R3HDM2: variants seen among roughly 807,000 people sequenced by gnomAD.
The protein encoded by R3HDM2 is R3H domain-containing protein 2.
Under a neutral mutation model 124.5 loss-of-function variants are expected in R3HDM2, and 38 were observed. The observed-to-expected ratio is 0.31, with a 90% CI of 0.24 to 0.40. R3HDM2 has a LOEUF of 0.40. R3HDM2 is among the 10% of genes least tolerant of loss of function. R3HDM2 has a pLI of 1.00. For synonymous variants in R3HDM2, 391 were observed against 448.0 expected, an observed-to-expected ratio of 0.87 and a Z score of 1.61; for missense variants, 869 against 1,236.9, an observed-to-expected ratio of 0.70 and a Z score of 4.46.
At chr12:57,413,931 C>T (rs1470051773) in intron 1 of R3HDM2, among the ~76,000 whole-genome samples, 44 of 148,616 alleles carry the variant, frequency 3.0e-4, no homozygotes, top group African/African-American at 8.9e-4. Context: ...CTGCAACCTC[C>T]GCCTCCCAAG....
chr12:57,270,756 A>T (rs2043417999), intron 14 of R3HDM2, among the ~76,000 whole-genome samples: 1 of 147,858 alleles, frequency 6.8e-6, no homozygotes, highest in Admixed American at 6.7e-5. Flanking sequence ...TTTAGTAGAG[A>T]CGGGATTTCA....
At position 57,269,049 on chromosome 12, in the gene R3HDM2, G is replaced by A. The variant is rs781347576; in HGVS notation, c.1748C>T (p.Ala583Val). 5.6e-6 allele frequency: 9 copies of A among 1,614,078 alleles called. No individual in the cohort carries two copies. Among genetic ancestry groups the A allele is most frequent in the South Asian group, 4.4e-5 (4 of 91,090 alleles). ...GACCCCAATCATGCCTTGGTAAGCCGCCTGCTGCTGGTTAGGCATCATGGG... is the reference window on the plus strand; with the variant it reads ...GACCCCAATCATGCCTTGGTAAGCCACCTGCTGCTGGTTAGGCATCATGGG... ...LQPMMPNQQQ[A>V]AYQGMIGVQQ... The change falls in exon 17 of 24, where the codon GCG becomes GTG. Residue 583 changes from alanine (A) to valine (V), a missense_variant. Coordinates refer to ENST00000402412, the MANE Select transcript of R3HDM2 (RefSeq NM_001394031.1).
At chr12:57,323,177 C>A (rs1015479964) in intron 2 of R3HDM2, among the ~76,000 whole-genome samples, 3 of 152,152 alleles carry the variant, frequency 2.0e-5, no homozygotes, top group East Asian at 1.9e-4. Flanking sequence ...TTCCAAAATT[C>A]CATGTTCTTT....
At chr12:57,346,716 G>A (rs2060126740) in intron 2 of R3HDM2, among the ~76,000 whole-genome samples, 1 of 152,074 alleles carries the variant, frequency 6.6e-6, no homozygotes, top group African/African-American at 2.4e-5. Flanking sequence ...AAGACCAGAA[G>A]GAAGAAAAAC....
rs566868060 is a variant in R3HDM2 at position 57,260,263 on chromosome 12, C to CAAAAAAAA, written c.2132-1212_2132-1205dup. Among the ~76,000 whole-genome samples, 155 of 31,546 alleles carry CAAAAAAAA rather than the reference C, an allele frequency of 4.9e-3. 20 individuals are homozygous for CAAAAAAAA. The highest frequency in any genetic ancestry group is 7.8e-3 in the African/African-American group (63 of 8,114). The allele number at this position is 31,546 out of a possible 152,430, so 20.7% of individuals were successfully genotyped here. On this transcript the variant is annotated intron_variant, in intron 19 of 23. Transcript: ENST00000402412. ...TGGGTGACAGAATGAGACCCTGCCTCAAAAAAAAAAAAAAAAAAAAAAGCC... is the reference window on the plus strand; with the variant it reads ...TGGGTGACAGAATGAGACCCTGCCTCAAAAAAAAAAAAAAAAAAAAAAAAAAAAAAGCC...
rs1477006468 is a variant in R3HDM2 at position 57,254,581 on chromosome 12, C to T, written c.*192G>A. ...GGGTCAACCAGGGAAAAAGAGAGGA[C>T]CCATGGCAGGGGAGCAAGAAGGAGT... On this transcript the variant is annotated 3_prime_UTR_variant, in exon 24 of 24. Coordinates refer to ENST00000402412, the MANE Select transcript of R3HDM2 (RefSeq NM_001394031.1). 1.8e-6 allele frequency: 1 copy of T among 549,302 alleles called. No homozygotes were observed. The highest frequency in any genetic ancestry group is 1.9e-5 in the African/African-American group (1 of 51,484). 34.0% of individuals were successfully genotyped at this position (549,302 alleles called of 1,614,324 possible). A position where few individuals can be genotyped will look rare whatever the true frequency, so the allele number is the denominator to read the frequency against.
chr12:57,341,301 G>A, intron 2 of R3HDM2: 1 of 610,354 alleles, frequency 1.6e-6, no homozygotes, highest in Non-Finnish European at 2.1e-6. Flanking sequence ...CAAAATTATA[G>A]CACCTTTAAA....
At chr12:57,353,751 T>TA (rs1222254524) in intron 2 of R3HDM2, among the ~76,000 whole-genome samples, 2 of 152,148 alleles carry the variant, frequency 1.3e-5, no homozygotes, top group African/African-American at 2.4e-5. Context: ...AGAGCAGGTA[T>TA]AAAAAATCAT....
intron 2 of R3HDM2, chr12:57,341,254 C>G (rs2059534651): frequency 4.1e-6 from 1 of 245,100 alleles, no homozygotes; most frequent in Admixed American, 6.5e-5. Context: ...TTCAGCAATT[C>G]TGACTTCGGT....
chr12:57,426,758 T>C lies in R3HDM2; in HGVS notation c.-106+3962A>G, dbSNP rs12316507. 8.2e-3 allele frequency among the ~76,000 whole-genome samples: 1,249 copies of C among 152,272 alleles called. 16 individuals are homozygous for C. Among genetic ancestry groups the C allele is most frequent in the African/African-American group, 0.028 (1,165 of 41,546 alleles). On this transcript the variant is annotated intron_variant, in intron 1 of 23. Transcript: ENST00000402412. ...TCAATGGCCCCAAAGCACGAGATGT[T>C]TGTCCAAAGAGAAACATCCCCAGAA...
intron 2 of R3HDM2, among the ~76,000 whole-genome samples, chr12:57,376,336 C>T (rs2064068451): frequency 6.6e-6 from 1 of 152,248 alleles, no homozygotes; most frequent in Non-Finnish European, 1.5e-5. Context: ...CTTTGTCCTT[C>T]CATGGACAAT....
At chr12:57,371,007 C>T (rs888038872) in intron 2 of R3HDM2, among the ~76,000 whole-genome samples, 2 of 147,746 alleles carry the variant, frequency 1.4e-5, no homozygotes, top group African/African-American at 5.0e-5. Flanking sequence ...CAACAGAAGA[C>T]CAAAATTTGT....
At chr12:57,322,476 T>G (rs746446790) in intron 2 of R3HDM2, among the ~76,000 whole-genome samples, 1 of 152,168 alleles carries the variant, frequency 6.6e-6, no homozygotes, top group Non-Finnish European at 1.5e-5. Flanking sequence ...TGAGGTTTAC[T>G]GAGCATGATT....
intron 2 of R3HDM2, among the ~76,000 whole-genome samples, chr12:57,392,347 C>T (rs1215920204): frequency 6.6e-6 from 1 of 152,174 alleles, no homozygotes; most frequent in East Asian, 1.9e-4. Flanking sequence ...ACTGTTCCAC[C>T]TCAGATCATC....
chr12:57,320,261 C>CAAAAAAAAATAA (rs1555256624), intron 2 of R3HDM2, among the ~76,000 whole-genome samples: 11 of 14,286 alleles, frequency 7.7e-4, no homozygotes, highest in African/African-American at 2.5e-3. Flanking sequence ...AACTCTATCT[C>CAAAAAAAAATAA]AAAAAAAAAA....
intron 19 of R3HDM2, among the ~76,000 whole-genome samples, chr12:57,264,604 A>G (rs1010061761): frequency 1.3e-4 from 20 of 151,588 alleles, no homozygotes; most frequent in African/African-American, 4.8e-4. Context: ...AGAAAAAACA[A>G]AAGACTTCCT....
chr12:57,276,208 TAAA>T (rs1263227424), intron 14 of R3HDM2, among the ~76,000 whole-genome samples: 6 of 105,330 alleles, frequency 5.7e-5, no homozygotes, highest in Non-Finnish European at 3.8e-5. Flanking sequence ...AGACTCCATC[TAAA>T]AAAAAAAAAA....
At chr12:57,414,504 A>C (rs1049134049) in intron 1 of R3HDM2, among the ~76,000 whole-genome samples, 19 of 134,134 alleles carry the variant, frequency 1.4e-4, no homozygotes, top group Non-Finnish European at 2.5e-4. Flanking sequence ...AAAAAAAAAA[A>C]AAAAAACGAA....
chr12:57,408,173 C>T (rs1439946104), intron 1 of R3HDM2, among the ~76,000 whole-genome samples: 3 of 152,142 alleles, frequency 2.0e-5, no homozygotes, highest in African/African-American at 4.8e-5. Flanking sequence ...TCAAATGATC[C>T]TCCCACCTCG....
Sources: allele counts gnomAD v4.1 joint callset (sites outside exome capture counted in the v4.1 genomes callset), GRCh38; gene constraint gnomAD v4.1.1; transcripts MANE v1.5; gene names NCBI Gene and HGNC (gene_info 2026-07-23, HGNC 2026-07-21).